GNA14: variants seen among roughly 807,000 people sequenced by gnomAD.
GNA14 encodes the protein guanine nucleotide-binding protein subunit alpha-14.
In GNA14, 50 loss-of-function variants were observed where a neutral mutation model predicts 42.0. The ratio of observed to expected loss-of-function variants is 1.19; its 90% CI spans 0.95 to 1.51. GNA14 has a LOEUF of 1.51. Among genes scored for constraint, GNA14 ranks in the 40% most tolerant of loss-of-function variants. The pLI, the probability that GNA14 is intolerant of heterozygous loss-of-function variation, is 0.00. For synonymous variants in GNA14, 173 were observed against 163.1 expected, an observed-to-expected ratio of 1.06 and a Z score of -0.46; for missense variants, 473 against 446.2, an observed-to-expected ratio of 1.06 and a Z score of -0.54.
intron 2 of GNA14, among the ~76,000 whole-genome samples, chr9:77,455,606 A>C (rs982657918): frequency 6.6e-5 from 10 of 152,120 alleles, no homozygotes; most frequent in African/African-American, 2.2e-4. Context: ...TTATATTTTT[A>C]AAGTGTCTAC....
At chr9:77,522,646 G>C (rs1215498312) in intron 2 of GNA14, among the ~76,000 whole-genome samples, 1 of 152,142 alleles carries the variant, frequency 6.6e-6, no homozygotes, top group African/African-American at 2.4e-5. Context: ...GACCCTGGCT[G>C]CCCAATCAGA....
At chr9:77,501,062 C>A (rs900654730) in intron 2 of GNA14, among the ~76,000 whole-genome samples, 2 of 152,060 alleles carry the variant, frequency 1.3e-5, no homozygotes, top group Admixed American at 6.6e-5. Flanking sequence ...TGAAGTAATT[C>A]TCCTGCCTCA....
intron 1 of GNA14, among the ~76,000 whole-genome samples, chr9:77,627,289 A>T (rs1399328064): frequency 6.6e-6 from 1 of 152,152 alleles, no homozygotes; most frequent in Non-Finnish European, 1.5e-5. Context: ...TTCACAGCCA[A>T]ATTCTACCAG....
intron 1 of GNA14, among the ~76,000 whole-genome samples, chr9:77,537,427 G>A (rs183587382): frequency 1.2e-4 from 18 of 152,134 alleles, no homozygotes; most frequent in East Asian, 1.2e-3. Flanking sequence ...TTTTTCTATG[G>A]CTGAATAGTA....
At chr9:77,477,862 G>A (rs1327987222) in intron 2 of GNA14, among the ~76,000 whole-genome samples, 1 of 152,008 alleles carries the variant, frequency 6.6e-6, no homozygotes, top group East Asian at 1.9e-4. Flanking sequence ...AAAGACAGGT[G>A]AGGAAAATTG....
chr9:77,582,469 C>T (rs938407014), intron 1 of GNA14, among the ~76,000 whole-genome samples: 1 of 152,204 alleles, frequency 6.6e-6, no homozygotes, highest in Non-Finnish European at 1.5e-5. Context: ...CTGCTGTCCA[C>T]CTGCCTCCCC....
intron 1 of GNA14, among the ~76,000 whole-genome samples, chr9:77,594,212 G>C (rs1016259474): frequency 2.6e-5 from 4 of 152,204 alleles, no homozygotes; most frequent in African/African-American, 9.7e-5. Context: ...CTTGAGTATA[G>C]AACTGGGAAT....
At chr9:77,600,283 C>A (rs1188314356) in intron 1 of GNA14, among the ~76,000 whole-genome samples, 1 of 152,182 alleles carries the variant, frequency 6.6e-6, no homozygotes, top group African/African-American at 2.4e-5. Context: ...TTTCCCAAAC[C>A]AGCTATTTTT....
intron 2 of GNA14, among the ~76,000 whole-genome samples, chr9:77,507,130 C>T (rs1837084415): frequency 6.6e-6 from 1 of 152,216 alleles, no homozygotes; most frequent in South Asian, 2.1e-4. Flanking sequence ...CAGGCCACAA[C>T]TACAGCCTAG....
At chr9:77,642,988 T>C (rs1181509760) in intron 1 of GNA14, among the ~76,000 whole-genome samples, 3 of 152,198 alleles carry the variant, frequency 2.0e-5, no homozygotes, top group African/African-American at 4.8e-5. Context: ...ACTCAGATGA[T>C]GCCTCCTCCA....
intron 2 of GNA14, among the ~76,000 whole-genome samples, chr9:77,448,942 T>C (rs1454085573): frequency 6.6e-6 from 1 of 152,180 alleles, no homozygotes; most frequent in Non-Finnish European, 1.5e-5. Context: ...AGAAATAATT[T>C]AGATTGTGGA....
At chr9:77,505,282 A>G (rs1008160729) in intron 2 of GNA14, among the ~76,000 whole-genome samples, 1 of 152,186 alleles carries the variant, frequency 6.6e-6, no homozygotes, top group Non-Finnish European at 1.5e-5. Context: ...TTATCTTTCA[A>G]TCTCTTTAAA....
At chr9:77,452,441 A>G (rs919208006) in intron 2 of GNA14, among the ~76,000 whole-genome samples, 6 of 152,054 alleles carry the variant, frequency 3.9e-5, no homozygotes, top group African/African-American at 1.5e-4. Flanking sequence ...ACACTACTCT[A>G]CAAAACGTGG....
At chr9:77,501,713 C>CTTTTTTTTTTTTT (rs71358606) in intron 2 of GNA14, among the ~76,000 whole-genome samples, 1 of 130,418 alleles carries the variant, frequency 7.7e-6, no homozygotes, top group African/African-American at 3.0e-5. Context: ...TGGATAATTT[C>CTTTTTTTTTTTTT]TTTTTTTTTT....
At chr9:77,584,309 A>G (rs1823268485) in intron 1 of GNA14, among the ~76,000 whole-genome samples, 1 of 152,210 alleles carries the variant, frequency 6.6e-6, no homozygotes, top group Non-Finnish European at 1.5e-5. Flanking sequence ...GCATCTGAAA[A>G]TAGTATATGC....
At position 77,475,111 on chromosome 9, in the gene GNA14, A is replaced by G. The variant is rs549672935; in HGVS notation, c.310-40589T>C. Among the ~76,000 whole-genome samples, 3 of 152,180 alleles carry G rather than the reference A, an allele frequency of 2.0e-5. No homozygotes were observed. The East Asian group carries it at 5.8e-4, about 29-fold the overall frequency. ...CAGCTGTTTGTGTTGAAACAAGCCC[A>G]GAGGCAATGAAGAGACAACTCATCT... On this transcript the variant is annotated intron_variant, in intron 2 of 6. Transcript: ENST00000341700.
intron 2 of GNA14, among the ~76,000 whole-genome samples, chr9:77,457,337 G>A (rs929647635): frequency 6.6e-6 from 1 of 152,216 alleles, no homozygotes; most frequent in African/African-American, 2.4e-5. Flanking sequence ...CCCCTTGGGG[G>A]TCTATGTTCT....
intron 2 of GNA14, among the ~76,000 whole-genome samples, chr9:77,511,201 C>T (rs958789428): frequency 4.6e-5 from 7 of 152,108 alleles, no homozygotes; most frequent in African/African-American, 1.7e-4. Context: ...TCCATTCCCC[C>T]TATAGTTCAG....
At chr9:77,618,609 TATATA>T (rs1564067826) in intron 1 of GNA14, among the ~76,000 whole-genome samples, 6 of 14,678 alleles carry the variant, frequency 4.1e-4, no homozygotes, top group Non-Finnish European at 4.4e-4. Context: ...TATATATATA[TATATA>T]TATATATTTT....
Sources: gnomAD v4.1 joint callset for allele counts (sites outside exome capture counted in the v4.1 genomes callset) on GRCh38, gnomAD v4.1.1 for gene constraint, MANE v1.5 for transcripts, NCBI Gene and HGNC (gene_info 2026-07-23, HGNC 2026-07-21) for gene names.